The following ADAMTS17 variants were observed in gnomAD, a reference collection of about 807,000 sequenced individuals.
The protein encoded by ADAMTS17 is A disintegrin and metalloproteinase with thrombospondin motifs 17.
ADAMTS17 carries 113 observed loss-of-function variants against 141.5 expected under a neutral mutation model. That is an observed-to-expected ratio of 0.80 (90% CI 0.69 to 0.93). ADAMTS17 has a LOEUF of 0.93. ADAMTS17 is among the 40% of genes least tolerant of loss of function. The probability of loss-of-function intolerance (pLI) is 0.00; values close to 1 mark genes in which losing one functional copy is unlikely to be tolerated. For missense variants in ADAMTS17, 1,659 were observed against 1,517.9 expected (o/e 1.09, Z -1.54); for synonymous variants, 768 against 630.6 (o/e 1.22, Z -3.27).
intron 15 of ADAMTS17, among the ~76,000 whole-genome samples, chr15:100,089,017 C>T (rs1047223766): frequency 1.3e-5 from 2 of 151,458 alleles, no homozygotes; most frequent in Non-Finnish European, 2.9e-5. Context: ...AGAGCTTCTG[C>T]ACAGCAAAAG....
chr15:100,181,269 C>T (rs2040515765), intron 8 of ADAMTS17, among the ~76,000 whole-genome samples: 1 of 152,216 alleles, frequency 6.6e-6, no homozygotes, highest in South Asian at 2.1e-4. Context: ...AGGCCTGGAA[C>T]TGGGGACCCC....
intron 14 of ADAMTS17, among the ~76,000 whole-genome samples, chr15:100,097,637 T>G (rs2035843183): frequency 1.3e-5 from 2 of 152,236 alleles, no homozygotes; most frequent in South Asian, 4.1e-4. Context: ...AACTTAAGTG[T>G]GCATCGGCCT....
intron 7 of ADAMTS17, among the ~76,000 whole-genome samples, chr15:100,205,044 C>A (rs1414025669): frequency 6.6e-6 from 1 of 152,118 alleles, no homozygotes; most frequent in African/African-American, 2.4e-5. Context: ...AGTTATGGGT[C>A]AGAGTCAGGA....
chr15:100,219,316 A>C (rs2042061929), intron 7 of ADAMTS17, among the ~76,000 whole-genome samples: 1 of 152,228 alleles, frequency 6.6e-6, no homozygotes, highest in Non-Finnish European at 1.5e-5. Flanking sequence ...AAACCACTTT[A>C]GTACATAGCT....
chr15:100,333,027 A>C (rs2046102672), intron 2 of ADAMTS17, among the ~76,000 whole-genome samples: 1 of 152,116 alleles, frequency 6.6e-6, no homozygotes, highest in Admixed American at 6.5e-5. Flanking sequence ...TCAGCATGCC[A>C]CCAGTGGTCA....
At chr15:100,146,564 A>G (rs1203263082) in intron 10 of ADAMTS17, among the ~76,000 whole-genome samples, 10 of 152,228 alleles carry the variant, frequency 6.6e-5, no homozygotes, top group Admixed American at 6.5e-4. Flanking sequence ...GTGTGTTTGA[A>G]CAAATATGAA....
At chr15:100,298,678 G>A (rs2044912754) in intron 3 of ADAMTS17, among the ~76,000 whole-genome samples, 1 of 152,152 alleles carries the variant, frequency 6.6e-6, no homozygotes, top group Non-Finnish European at 1.5e-5. Context: ...CACAAAGAAA[G>A]AGAGAAAATG....
At chr15:100,276,008 T>G (rs1356157768) in intron 4 of ADAMTS17, among the ~76,000 whole-genome samples, 4 of 15,644 alleles carry the variant, frequency 2.6e-4, no homozygotes, top group South Asian at 3.5e-3. Context: ...AGTGGGAGGG[T>G]GGGAGGGAGT....
intron 18 of ADAMTS17, among the ~76,000 whole-genome samples, chr15:100,041,912 CT>C (rs1443858293): frequency 1.3e-5 from 2 of 152,218 alleles, no homozygotes; most frequent in African/African-American, 4.8e-5. Flanking sequence ...ACAAACATCT[CT>C]GCCACTTTAA....
rs111412192 is a variant in ADAMTS17 at position 100,172,647 on chromosome 15, C to T, written c.1182-17327G>A. Among the ~76,000 whole-genome samples the T allele has an allele frequency of 6.3e-3, 962 of 152,260 alleles. 13 individuals carry two copies. The highest frequency in any genetic ancestry group is 0.021 in the African/African-American group (882 of 41,532). On this transcript the variant is annotated intron_variant, in intron 8 of 21. Coordinates refer to ENST00000268070, the MANE Select transcript of ADAMTS17 (RefSeq NM_139057.4). ...ATTCACCCCACCACTCTGGCTTAGA[C>T]CCCTGCTCTCTTTAAAATAGCCAAT...
At chr15:100,308,448 G>T (rs1410912839) in intron 3 of ADAMTS17, among the ~76,000 whole-genome samples, 4 of 152,166 alleles carry the variant, frequency 2.6e-5, no homozygotes, top group African/African-American at 9.7e-5. Flanking sequence ...CCTGAGCAAA[G>T]TGCCCACGTC....
chr15:100,138,375 G>A (rs2038446419), intron 10 of ADAMTS17, among the ~76,000 whole-genome samples: 1 of 152,036 alleles, frequency 6.6e-6, no homozygotes, highest in African/African-American at 2.4e-5. Flanking sequence ...GTCAGATACA[G>A]AATTTATAGT....
chr15:100,083,046 A>C (rs992791899), intron 15 of ADAMTS17, among the ~76,000 whole-genome samples: 5 of 152,138 alleles, frequency 3.3e-5, no homozygotes, highest in Non-Finnish European at 7.3e-5. Flanking sequence ...CTTTCTCTGG[A>C]AATATGGAAG....
intron 10 of ADAMTS17, 116 bp downstream of exon 10, chr15:100,152,492 TTGTG>T (rs1422124452): frequency 3.0e-6 from 4 of 1,322,294 alleles, no homozygotes; most frequent in East Asian, 2.3e-5. Context: ...ATACCTGTGC[TTGTG>T]TGTGTATGTG....
chr15:100,183,413 G>A (rs578104306), intron 8 of ADAMTS17, among the ~76,000 whole-genome samples: 18 of 152,062 alleles, frequency 1.2e-4, no homozygotes, highest in South Asian at 4.1e-4. Context: ...ATTTTATTCC[G>A]TCATCTCCAC....
intron 8 of ADAMTS17, among the ~76,000 whole-genome samples, chr15:100,184,066 C>T (rs1286018657): frequency 6.6e-6 from 1 of 152,014 alleles, no homozygotes; most frequent in Non-Finnish European, 1.5e-5. Context: ...GGGAGCAGAT[C>T]GAGCTGCCCA....
At chr15:100,305,750 G>A (rs1596485206) in intron 3 of ADAMTS17, 1 of 152,428 alleles carries the variant, frequency 6.6e-6, no homozygotes, top group African/African-American at 2.4e-5. Flanking sequence ...CAGTCATGGT[G>A]GCTCACACCT....
At chr15:100,135,534 C>T (rs1015857047) in intron 10 of ADAMTS17, among the ~76,000 whole-genome samples, 1 of 152,162 alleles carries the variant, frequency 6.6e-6, no homozygotes, top group Non-Finnish European at 1.5e-5. Context: ...CCACCCGTCT[C>T]AGTCTCCCAA....
intron 18 of ADAMTS17, among the ~76,000 whole-genome samples, chr15:100,017,047 C>T (rs1349923183): frequency 1.3e-5 from 2 of 152,076 alleles, no homozygotes; most frequent in East Asian, 3.9e-4. Flanking sequence ...GCTGTGGCTG[C>T]TATGGGGGAT....
Sources: allele counts gnomAD v4.1 joint callset (sites outside exome capture counted in the v4.1 genomes callset), GRCh38; gene constraint gnomAD v4.1.1; transcripts MANE v1.5; gene names NCBI Gene and HGNC (gene_info 2026-07-23, HGNC 2026-07-21).